Variants in SLC2A2 observed in about 807,000 individuals in gnomAD.
SLC2A2 encodes solute carrier family 2, facilitated glucose transporter member 2.
Under a neutral mutation model 54.5 loss-of-function variants are expected in SLC2A2, and 36 were observed. The observed-to-expected ratio is 0.66, with a 90% CI of 0.51 to 0.87. The LOEUF (loss-of-function observed/expected upper bound fraction) is 0.87, where lower values mean the gene tolerates loss of function less well. Ranked by LOEUF, SLC2A2 falls within the 40% of genes least tolerant of loss-of-function variation. The probability of loss-of-function intolerance (pLI) is 0.00; values close to 1 mark genes in which losing one functional copy is unlikely to be tolerated. For missense variants in SLC2A2, 543 were observed against 624.3 expected, an observed-to-expected ratio of 0.87 and a Z score of 1.39; for synonymous variants, 223 against 219.1, an observed-to-expected ratio of 1.02 and a Z score of -0.16.
chr3:171,007,788 C>T (rs905810504), intron 4 of SLC2A2, among the ~76,000 whole-genome samples: 5 of 151,802 alleles, frequency 3.3e-5, no homozygotes, highest in African/African-American at 1.2e-4. Flanking sequence ...AAGGTGGTGA[C>T]GAGGGGCGAG....
chr3:171,024,176 T>G (rs1047166211), intron 1 of SLC2A2, among the ~76,000 whole-genome samples: 1 of 152,158 alleles, frequency 6.6e-6, no homozygotes, highest in African/African-American at 2.4e-5. Context: ...CTGTAAAAAC[T>G]AAGATAAATA....
chr3:171,016,553 G>A (rs1716159147), intron 2 of SLC2A2, among the ~76,000 whole-genome samples: 1 of 151,840 alleles, frequency 6.6e-6, no homozygotes, highest in East Asian at 1.9e-4. Flanking sequence ...TTCTAATACT[G>A]TCTTCAGTAG....
rs1412427073 is a variant in SLC2A2 at position 170,997,968 on chromosome 3, C to T, written c.1510G>A (p.Gly504Ser). The change falls in exon 11 of 11, where the codon GGC becomes AGC. Residue 504 changes from glycine (G) to serine (S), a missense_variant. By Grantham distance (56) the Gly-to-Ser change is moderately conservative. Coordinates refer to ENST00000314251, the MANE Select transcript of SLC2A2 (RefSeq NM_000340.2). The part of the protein sequence containing the change: ...EIAAEFQKKS[G>S]SAHRPKAAVE... The stretch of plus-strand genomic sequence containing the variant: ...GCAGCTTTTGGCCTGTGGGCTGAGC[C>T]ACTCTTCTTTTGGAATTCTGCAGCA... 6.2e-7 allele frequency: 1 copy of T among 1,613,670 alleles called. No individual in the cohort carries two copies. The highest frequency in any genetic ancestry group is 1.1e-5 in the South Asian group (1 of 91,080).
At chr3:170,998,696 G>A (rs530475005) in intron 9 of SLC2A2, among the ~76,000 whole-genome samples, 1 of 152,106 alleles carries the variant, frequency 6.6e-6, no homozygotes, top group African/African-American at 2.4e-5. Context: ...TTAGCTCCCT[G>A]TGAAGTAGTG....
intron 2 of SLC2A2, among the ~76,000 whole-genome samples, chr3:171,016,698 T>C (rs1716167436): frequency 6.6e-6 from 1 of 152,150 alleles, no homozygotes; most frequent in Non-Finnish European, 1.5e-5. Flanking sequence ...GCTCTTTAAA[T>C]ACAAAAGGAA....
chr3:171,000,179 A>G (rs944063056), intron 8 of SLC2A2, among the ~76,000 whole-genome samples: 1 of 152,122 alleles, frequency 6.6e-6, no homozygotes, highest in African/African-American at 2.4e-5. Flanking sequence ...AGGCACACTC[A>G]TATCAGAGTT....
At chr3:171,014,842 T>G in intron 2 of SLC2A2, 111 bp from the exon 3 acceptor site, 1 of 830,792 alleles carries the variant, frequency 1.2e-6, no homozygotes, top group Non-Finnish European at 2.0e-6. Context: ...ATTATGTGTT[T>G]TATATACATA....
intron 7 of SLC2A2, among the ~76,000 whole-genome samples, chr3:171,004,903 A>G (rs532969342): frequency 6.6e-6 from 1 of 152,002 alleles, no homozygotes; most frequent in South Asian, 2.1e-4. Flanking sequence ...GATAAAGGGA[A>G]CCCTTGACTC....
chr3:171,001,369 C>T (rs61791071), intron 8 of SLC2A2, among the ~76,000 whole-genome samples: 4,507 of 151,880 alleles, frequency 0.03, 75 homozygotes, highest in Admixed American at 0.044. Flanking sequence ...TTTAGAGTGG[C>T]CTTTTGGTTT....
Position 171,019,097 on chromosome 3 carries a change from G to GTATATA in SLC2A2, c.16-480_16-475dup, listed in dbSNP as rs775019312. The stretch of plus-strand genomic sequence containing the variant: ...TGTGTATATATATATGTGTGTGTGT[G>GTATATA]TATATATATATATATATATATATAT... On this transcript the variant is annotated intron_variant, in intron 1 of 10. Transcript: ENST00000314251. 8.5e-3 allele frequency among the ~76,000 whole-genome samples: 172 copies of GTATATA among 20,146 alleles called. 5 individuals carry two copies. The highest frequency in any genetic ancestry group is 0.015 in the African/African-American group (30 of 1,962). The allele number at this position is 20,146 out of a possible 152,430, so 13.2% of individuals were successfully genotyped here.
chr3:171,006,874 C>T (rs1379569671), intron 5 of SLC2A2, among the ~76,000 whole-genome samples: 3 of 151,998 alleles, frequency 2.0e-5, no homozygotes, highest in African/African-American at 7.2e-5. Context: ...GCCAGGTCAC[C>T]TCCAGTGCTA....
intron 1 of SLC2A2, among the ~76,000 whole-genome samples, chr3:171,021,155 C>G (rs1407644399): frequency 2.6e-5 from 4 of 152,078 alleles, no homozygotes; most frequent in Non-Finnish European, 5.9e-5. Context: ...ATTTTATTTA[C>G]TTAGTTGGTG....
At chr3:171,010,145 T>G (rs1715817663) in intron 3 of SLC2A2, 63 bp from the exon 4 acceptor site, 1 of 1,534,444 alleles carries the variant, frequency 6.5e-7, no homozygotes, top group Non-Finnish European at 9.0e-7. Flanking sequence ...TTATTCGCTT[T>G]CAGAGCATGT....
chr3:171,007,028 T>C, intron 5 of SLC2A2, 120 bp downstream of exon 5: 1 of 722,618 alleles, frequency 1.4e-6, no homozygotes, highest in South Asian at 1.5e-5. Flanking sequence ...GAATGGACAG[T>C]CAGGGAGGGA....
rs1397211618 is a variant in SLC2A2, at chr3:170,998,373, A to G, written c.1194T>C (p.Tyr398=). The change falls in exon 10 of 11, where the codon TAT becomes TAC. Residue 398 remains tyrosine, a synonymous_variant. Coordinates refer to ENST00000314251, the MANE Select transcript of SLC2A2 (RefSeq NM_000340.2). The part of the protein sequence containing the change: ...VLLNKFSWMS[Y]VSMIAIFLFV... ...AGAGGAAGATGGCTATCATGCTCAC[A>G]TAACTCATCCAAGAGAACTTATTCT... 8 of 1,613,638 alleles carry G rather than the reference A, an allele frequency of 5.0e-6. No homozygotes were observed. The highest frequency in any genetic ancestry group is 1.3e-5 in the African/African-American group (1 of 75,020).
chr3:171,026,607 T>C, intron 1 of SLC2A2, 49 bp downstream of exon 1: 1 of 1,541,408 alleles, frequency 6.5e-7, no homozygotes, highest in Non-Finnish European at 9.0e-7. Context: ...TGTATTCCCC[T>C]AACTATCTCC....
chr3:171,013,279 A>G (rs1026795380), intron 3 of SLC2A2, among the ~76,000 whole-genome samples: 2 of 152,178 alleles, frequency 1.3e-5, no homozygotes, highest in Non-Finnish European at 2.9e-5. Flanking sequence ...CCAACTTGAT[A>G]CACATTGAAA....
intron 3 of SLC2A2, among the ~76,000 whole-genome samples, chr3:171,012,361 G>A (rs376677243): frequency 2.6e-4 from 40 of 152,298 alleles, no homozygotes; most frequent in African/African-American, 9.4e-4. Context: ...TGAAACCAAA[G>A]GGTAATGTAT....
intron 4 of SLC2A2, among the ~76,000 whole-genome samples, chr3:171,008,284 G>T (rs1402018616): frequency 6.6e-6 from 1 of 151,988 alleles, no homozygotes; most frequent in Admixed American, 6.6e-5. Context: ...GTGTGATAAG[G>T]TATCTGTATT....
Sources: gnomAD v4.1 joint callset for allele counts (sites outside exome capture counted in the v4.1 genomes callset) on GRCh38, gnomAD v4.1.1 for gene constraint, MANE v1.5 for transcripts, NCBI Gene and HGNC (gene_info 2026-07-23, HGNC 2026-07-21) for gene names.